Variants in MMAA observed in about 807,000 individuals in gnomAD.
MMAA encodes methylmalonic aciduria type A protein, mitochondrial.
A neutral mutation model predicts 45.0 loss-of-function variants in MMAA; 41 were observed. The ratio of observed to expected loss-of-function variants is 0.91; its 90% CI spans 0.71 to 1.18. The LOEUF is 1.18. Ranked by LOEUF, MMAA falls within the 50% of genes most tolerant of loss-of-function variation. MMAA has a pLI of 0.00. For synonymous variants in MMAA, 154 were observed against 178.2 expected (o/e 0.86, Z 1.08); for missense variants, 460 against 495.7 (o/e 0.93, Z 0.68).
At chr4:145,624,146 CT>C in intron 1 of MMAA, 1 of 1,115,380 alleles carries the variant, frequency 9.0e-7, no homozygotes, top group Non-Finnish European at 1.4e-6. Context: ...CTGCTCAACT[CT>C]TGTCCACTCC....
intron 5 of MMAA, among the ~76,000 whole-genome samples, chr4:145,652,748 A>AC (rs1728131630): frequency 5.9e-5 from 9 of 151,728 alleles, no homozygotes; most frequent in Admixed American, 1.3e-4. Context: ...AACAACAACA[A>AC]AAAAACCCAG....
In MMAA at chr4:145,655,383, C is replaced by G. The variant is rs1374931888; in HGVS notation, c.1206C>G (p.Ser402=). Reference sequence around the variant, plus strand: ...AAAAGGTTCTCATTGGGGCCCTGTCCCCAGGACTAGCAGCAGACTTCTTGT... The same window carrying G: ...AAAAGGTTCTCATTGGGGCCCTGTCGCCAGGACTAGCAGCAGACTTCTTGT... ...LEQKVLIGAL[S]PGLAADFLLK... Residue 402 remains serine, a synonymous_variant, in exon 7 of 7, where the codon TCC becomes TCG. Coordinates refer to ENST00000649156, the MANE Select transcript of MMAA (RefSeq NM_172250.3). 8 of 1,613,996 alleles carry G rather than the reference C, an allele frequency of 5.0e-6. No homozygotes were observed. Among genetic ancestry groups the G allele is most frequent in the Non-Finnish European group, 6.8e-6 (8 of 1,179,980 alleles).
chr4:145,645,973 CTGTA>C lies in MMAA; in HGVS notation c.563-9_563-6del. ...ACTGTTCCATGATTATAAAATGTAA[CTGTA>C]TGTTTTAGGATCACTCTTAGGTGAT... On this transcript the variant is annotated splice_polypyrimidine_tract_variant and intron_variant, in intron 3 of 6. Transcript: ENST00000649156. The C allele has an allele frequency of 6.2e-7, 1 of 1,613,402 alleles. No homozygotes were observed. The highest frequency in any genetic ancestry group is 1.1e-5 in the South Asian group (1 of 91,052).
chr4:145,634,216 ACT>A (rs1727545316), intron 1 of MMAA, among the ~76,000 whole-genome samples: 1 of 152,012 alleles, frequency 6.6e-6, no homozygotes, highest in Admixed American at 6.5e-5. Flanking sequence ...GGAGTCAAAA[ACT>A]CTGGAAATCT....
intron 1 of MMAA, among the ~76,000 whole-genome samples, chr4:145,630,724 A>G (rs557035537): frequency 2.0e-5 from 3 of 152,146 alleles, no homozygotes; most frequent in African/African-American, 7.2e-5. Context: ...GCAAAACTCC[A>G]TCTCAAAAAA....
At chr4:145,620,125 CTG>C (rs1432380775) in intron 1 of MMAA, among the ~76,000 whole-genome samples, 4 of 152,118 alleles carry the variant, frequency 2.6e-5, no homozygotes, top group Non-Finnish European at 4.4e-5. Context: ...TCCAGAAAAA[CTG>C]TGTGGATTAT....
At position 145,646,168 on chromosome 4, in the gene MMAA, A is replaced by G. The variant is rs746758730; in HGVS notation, c.733+12A>G. 2.5e-6 allele frequency: 4 copies of G among 1,613,910 alleles called. 1 individual carries two copies. On this transcript the variant is annotated intron_variant, in intron 4 of 6. Coordinates refer to ENST00000649156, the MANE Select transcript of MMAA (RefSeq NM_172250.3). ...TATTGAAACCGTTGGTGAGTGTGAT[A>G]TTCTATTTCATAACAATGTACTATT... is the stretch of plus-strand genomic sequence containing the variant.
At chr4:145,630,745 T>C (rs1734320824) in intron 1 of MMAA, among the ~76,000 whole-genome samples, 1 of 152,094 alleles carries the variant, frequency 6.6e-6, no homozygotes, top group South Asian at 2.1e-4. Flanking sequence ...AAAAGATGCA[T>C]TGTTTATTTG....
Position 145,652,699 on chromosome 4 carries a change from C to T in MMAA, c.820-1295C>T, listed in dbSNP as rs190915566. ...GAGCCAAGATCGCACCACTGCACTC[C>T]AGCCTAGGTGACAGAGTGAGACTCT... is the stretch of plus-strand genomic sequence containing the variant. On this transcript the variant is annotated intron_variant, in intron 5 of 6. Coordinates refer to ENST00000649156, the MANE Select transcript of MMAA (RefSeq NM_172250.3). Among the ~76,000 whole-genome samples, 288 of 152,008 alleles carry T rather than the reference C, an allele frequency of 1.9e-3. 1 individual carries two copies. Among genetic ancestry groups the T allele is most frequent in the Middle Eastern group, 3.4e-3 (1 of 294 alleles).
intron 1 of MMAA, among the ~76,000 whole-genome samples, chr4:145,629,526 G>A (rs544090442): frequency 6.6e-6 from 1 of 152,014 alleles, no homozygotes; most frequent in East Asian, 1.9e-4. Flanking sequence ...CAAAACTAAT[G>A]ACATACCTAA....
At position 145,655,660 on chromosome 4, in the gene MMAA, T is replaced by G; in HGVS notation, c.*226T>G. ...TACTGATATCTGTTTCCTTCTCTTC[T>G]TATACCCTGGCATGGTGGCCTGTAG... On this transcript the variant is annotated 3_prime_UTR_variant, in exon 7 of 7. Coordinates refer to ENST00000649156, the MANE Select transcript of MMAA (RefSeq NM_172250.3). The G allele has an allele frequency of 2.2e-6, 1 of 455,870 alleles. No homozygotes were observed. Among genetic ancestry groups the G allele is most frequent in the Non-Finnish European group, 3.9e-6 (1 of 259,542 alleles). 28.2% of individuals were successfully genotyped at this position (455,870 alleles called of 1,614,324 possible). A position where few individuals can be genotyped will look rare whatever the true frequency, so the allele number is the denominator to read the frequency against.
At chr4:145,619,448 T>TGGGCTCCCGCCTACGGCC (rs1228801439) in intron 1 of MMAA, 41 bp downstream of exon 1, 1 of 152,226 alleles carries the variant, frequency 6.6e-6, no homozygotes, top group African/African-American at 2.4e-5. Context: ...GAGTCGGGAC[T>TGGGCTCCCGCCTACGGCC]GGGCTCCCGC....
chr4:145,651,225 G>A (rs576798223), intron 5 of MMAA, 78 bp downstream of exon 5: 7 of 1,198,076 alleles, frequency 5.8e-6, no homozygotes, highest in Non-Finnish European at 8.6e-6. Context: ...TTGTGTTTTT[G>A]TAAACTAAGT....
intron 1 of MMAA, among the ~76,000 whole-genome samples, chr4:145,636,975 A>G (rs1727633159): frequency 6.6e-6 from 1 of 152,260 alleles, no homozygotes; most frequent in South Asian, 2.1e-4. Context: ...CAATGTAATT[A>G]AGTAACTAAT....
rs1396471571 is a variant in MMAA, at chr4:145,639,307, G to A, written c.168G>A (p.Leu56=). The A allele has an allele frequency of 9.9e-6, 16 of 1,614,152 alleles. No homozygotes were observed. Among genetic ancestry groups the A allele is most frequent in the Non-Finnish European group, 1.3e-5 (15 of 1,180,040 alleles). Residue 56 remains leucine, a synonymous_variant, in exon 2 of 7, where the codon CTG becomes CTA. Transcript: ENST00000649156. ...SLGLHCTKWM[L]LSDGLKRKLC... Reference sequence around the variant, plus strand: ...GACTCCATTGTACAAAGTGGATGCTGCTGTCAGATGGCTTAAAGAGAAAAT... The same window carrying A: ...GACTCCATTGTACAAAGTGGATGCTACTGTCAGATGGCTTAAAGAGAAAAT...
At chr4:145,654,905 A>G (rs956216702) in intron 6 of MMAA, among the ~76,000 whole-genome samples, 2 of 152,160 alleles carry the variant, frequency 1.3e-5, no homozygotes, top group African/African-American at 4.8e-5. Context: ...ATTAAAATAA[A>G]TCTCTGGGCT....
intron 4 of MMAA, chr4:145,646,588 GA>G: frequency 5.3e-6 from 1 of 189,748 alleles, no homozygotes; most frequent in Non-Finnish European, 1.1e-5. Flanking sequence ...TACATGTGAT[GA>G]AGACACTGAA....
At chr4:145,632,664 C>T (rs535735321) in intron 1 of MMAA, among the ~76,000 whole-genome samples, 1 of 152,198 alleles carries the variant, frequency 6.6e-6, no homozygotes, top group East Asian at 1.9e-4. Context: ...AGGCTATTTT[C>T]TAAATCCTGG....
chr4:145,639,037 A>G (rs570764858), intron 1 of MMAA, 38 bp from the exon 2 acceptor site: 1 of 1,033,440 alleles, frequency 9.7e-7, no homozygotes, highest in South Asian at 1.3e-5. Context: ...TATTTTAGTT[A>G]TATATCGAAC....
Sources: allele counts gnomAD v4.1 joint callset (sites outside exome capture counted in the v4.1 genomes callset), GRCh38; gene constraint gnomAD v4.1.1; transcripts MANE v1.5; gene names NCBI Gene and HGNC (gene_info 2026-07-23, HGNC 2026-07-21).